Variants in CAMK4 observed in about 807,000 individuals in gnomAD.
The protein encoded by CAMK4 is calcium/calmodulin dependent protein kinase IV.
Under a neutral mutation model 44.9 loss-of-function variants are expected in CAMK4, and 22 were observed. That is an observed-to-expected ratio of 0.49 (90% CI 0.35 to 0.70). CAMK4 has a LOEUF of 0.70. Ranked by LOEUF, CAMK4 falls within the 30% of genes least tolerant of loss-of-function variation. The pLI is 0.01. For synonymous variants in CAMK4, 218 were observed against 215.4 expected, an observed-to-expected ratio of 1.01 and a Z score of -0.11; for missense variants, 498 against 586.8, an observed-to-expected ratio of 0.85 and a Z score of 1.56.
At chr5:111,351,434 T>C (rs929444478) in intron 2 of CAMK4, among the ~76,000 whole-genome samples, 2 of 151,760 alleles carry the variant, frequency 1.3e-5, no homozygotes, top group Non-Finnish European at 2.9e-5. Context: ...AGACAGAGTT[T>C]CGCTTTTGTT....
At chr5:111,421,993 T>A (rs1252106543) in intron 5 of CAMK4, among the ~76,000 whole-genome samples, 1 of 152,226 alleles carries the variant, frequency 6.6e-6, no homozygotes, top group East Asian at 1.9e-4. Flanking sequence ...TCCTCCATGA[T>A]TGTGAGGCCT....
In CAMK4 at chr5:111,482,338, T is replaced by G. The variant is rs1755462305; in HGVS notation, c.829-447T>G. ...AGGTAGTATTCCATAAGTTCTGGGA[T>G]ACTCTCCCTTTTGTTTGCCATTTAA... On this transcript the variant is annotated intron_variant, in intron 9 of 10. Transcript: ENST00000282356. The surrounding 1 kb of genome is among the most constrained non-coding windows in gnomAD (Gnocchi z 4.9). The G allele has an allele frequency of 6.5e-6, 1 of 152,830 alleles. No individual in the cohort carries two copies. Among genetic ancestry groups the G allele is most frequent in the Non-Finnish European group, 1.5e-5 (1 of 68,582 alleles). The allele number at this position is 152,830 out of a possible 1,614,324, so 9.5% of individuals were successfully genotyped here. A position where few individuals can be genotyped will look rare whatever the true frequency, so the allele number is the denominator to read the frequency against.
chr5:111,392,522 C>T (rs959156479), intron 4 of CAMK4, among the ~76,000 whole-genome samples: 4 of 151,372 alleles, frequency 2.6e-5, no homozygotes, highest in African/African-American at 9.7e-5. Context: ...GAGTACAGAA[C>T]AAACCAAAAA....
At chr5:111,248,606 C>T (rs1055183051) in intron 1 of CAMK4, among the ~76,000 whole-genome samples, 4 of 151,660 alleles carry the variant, frequency 2.6e-5, no homozygotes, top group South Asian at 2.1e-4. Context: ...GTATCTAGCA[C>T]ATTGCTTTAG....
chr5:111,432,662 GTA>G (rs58147378), intron 5 of CAMK4, among the ~76,000 whole-genome samples: 32,857 of 142,590 alleles, frequency 0.23, 3,957 homozygotes, highest in African/African-American at 0.31. Flanking sequence ...ATATGTGTGT[GTA>G]TATATATATA....
intron 5 of CAMK4, among the ~76,000 whole-genome samples, chr5:111,439,842 T>C (rs931389666): frequency 3.3e-5 from 5 of 152,180 alleles, no homozygotes; most frequent in Admixed American, 3.3e-4. Context: ...GCCAGGCTGC[T>C]GATGCCAGGA....
At chr5:111,275,042 A>G (rs1469379994) in intron 1 of CAMK4, among the ~76,000 whole-genome samples, 3 of 152,118 alleles carry the variant, frequency 2.0e-5, no homozygotes, top group African/African-American at 4.8e-5. Flanking sequence ...GTGAGGCACA[A>G]TGTAATGTTA....
intron 7 of CAMK4, among the ~76,000 whole-genome samples, chr5:111,456,138 G>C (rs1754404359): frequency 6.6e-6 from 1 of 151,852 alleles, no homozygotes; most frequent in South Asian, 2.1e-4. Context: ...CGGGGAGTTG[G>C]TTTGAGGTCT....
chr5:111,262,139 T>G (rs1750008341), intron 1 of CAMK4, among the ~76,000 whole-genome samples: 1 of 149,206 alleles, frequency 6.7e-6, no homozygotes. Flanking sequence ...TTCTGGCACT[T>G]GATGTGTAAA....
At chr5:111,284,663 C>T (rs934795721) in intron 1 of CAMK4, among the ~76,000 whole-genome samples, 1 of 152,092 alleles carries the variant, frequency 6.6e-6, no homozygotes, top group Non-Finnish European at 1.5e-5. Context: ...TTTAAAGGCC[C>T]GTAATAGGCA....
chr5:111,410,043 C>T (rs1019071962), intron 5 of CAMK4, among the ~76,000 whole-genome samples: 5 of 152,214 alleles, frequency 3.3e-5, no homozygotes, highest in Non-Finnish European at 5.9e-5. Flanking sequence ...GCCCTCTAAA[C>T]TCTTTCAACC....
intron 2 of CAMK4, among the ~76,000 whole-genome samples, chr5:111,351,998 G>A (rs2112773034): frequency 1.3e-5 from 2 of 152,134 alleles, no homozygotes; most frequent in Middle Eastern, 3.4e-3. Flanking sequence ...GAGTAGAGAG[G>A]AAGTAAACTC....
intron 7 of CAMK4, chr5:111,449,529 C>T (rs1211443858): frequency 1.1e-5 from 2 of 175,392 alleles, no homozygotes; most frequent in Non-Finnish European, 1.2e-5. Context: ...TCCATGGGCC[C>T]TTTGTCACTT....
intron 5 of CAMK4, among the ~76,000 whole-genome samples, chr5:111,409,134 C>G (rs1312634494): frequency 6.6e-6 from 1 of 152,216 alleles, no homozygotes; most frequent in Non-Finnish European, 1.5e-5. Context: ...CTGGTGAGGA[C>G]TTTGTGTGGG....
At chr5:111,358,546 T>C (rs570697113) in intron 2 of CAMK4, among the ~76,000 whole-genome samples, 17 of 151,942 alleles carry the variant, frequency 1.1e-4, no homozygotes, top group Non-Finnish European at 1.9e-4. Flanking sequence ...AATCTGTCAC[T>C]GGCAGGATTT....
chr5:111,318,110 A>T (rs891758537), intron 1 of CAMK4, among the ~76,000 whole-genome samples: 1 of 152,054 alleles, frequency 6.6e-6, no homozygotes, highest in African/African-American at 2.4e-5. Context: ...ATGACTAGTA[A>T]TGGTTGGTTT....
At chr5:111,348,618 C>T (rs1749965920) in intron 2 of CAMK4, among the ~76,000 whole-genome samples, 1 of 151,802 alleles carries the variant, frequency 6.6e-6, no homozygotes, top group Non-Finnish European at 1.5e-5. Context: ...CTGCAATTTA[C>T]TTTCAAATGG....
chr5:111,321,272 G>A (rs1748651021), intron 1 of CAMK4, among the ~76,000 whole-genome samples: 1 of 152,150 alleles, frequency 6.6e-6, no homozygotes, highest in Non-Finnish European at 1.5e-5. Flanking sequence ...ACAAGAAGGA[G>A]TTAGTGTTGC....
chr5:111,224,508 T>C lies in CAMK4; in HGVS notation c.25T>C (p.Cys9Arg), dbSNP rs1389065507. The change falls in exon 1 of 11, where the codon TGC becomes CGC. Residue 9 changes from cysteine (C) to arginine (R), a missense_variant. Transcript: ENST00000282356. The surrounding 1 kb of genome is among the most constrained non-coding windows in gnomAD (Gnocchi z 5.7). MLKVTVPSCSASSCSSVTA... is the reference protein window; with the variant it reads MLKVTVPSRSASSCSSVTA... ...GATGCTCAAAGTCACGGTGCCCTCC[T>C]GCTCCGCCTCGTCCTGCTCTTCGGT... The C allele has an allele frequency of 6.2e-7, 1 of 1,609,930 alleles. No individual in the cohort carries two copies. Among genetic ancestry groups the C allele is most frequent in the Non-Finnish European group, 8.5e-7 (1 of 1,178,988 alleles).
Sources: allele counts gnomAD v4.1 joint callset (sites outside exome capture counted in the v4.1 genomes callset), GRCh38; gene constraint gnomAD v4.1.1; non-coding constraint Gnocchi (gnomAD v3.1); transcripts MANE v1.5; gene names NCBI Gene and HGNC (gene_info 2026-07-23, HGNC 2026-07-21).